Variants in NEK1 observed in about 807,000 individuals in gnomAD.
NEK1 encodes the protein serine/threonine-protein kinase Nek1.
Under a neutral mutation model 182.1 loss-of-function variants are expected in NEK1, and 137 were observed. The ratio of observed to expected loss-of-function variants is 0.75; its 90% CI spans 0.65 to 0.87. NEK1 has a LOEUF of 0.87. Among genes scored for constraint, NEK1 ranks in the 40% least tolerant of loss-of-function variants. The pLI, the probability that NEK1 is intolerant of heterozygous loss-of-function variation, is 0.00. For synonymous variants in NEK1, 513 were observed against 492.2 expected, an observed-to-expected ratio of 1.04 and a Z score of -0.56; for missense variants, 1,391 against 1,494.4, an observed-to-expected ratio of 0.93 and a Z score of 1.14.
rs199827465 is a variant in NEK1, at chr4:169,479,405, C to T, written c.2137G>A (p.Val713Met). The T allele has an allele frequency of 6.7e-4, 1,082 of 1,607,920 alleles. 10 individuals are homozygous for T. In the Middle Eastern group the frequency reaches 0.015, roughly 22 times the overall value. The change falls in exon 24 of 36, where the codon GTG (valine) becomes ATG (methionine). Residue 713 changes from valine to methionine, a missense_variant and splice_region_variant. Transcript: ENST00000507142. ...SVTSALKEVG[V>M]DSSLTDTRET... is the part of the protein sequence containing the mutation. ...GTTCTGAATCTTAGGAAACTTACCA[C>T]GCCAACTTCTTTCAAAGCTGAAGTT... is the stretch of plus-strand genomic sequence containing the variant.
intron 18 of NEK1, among the ~76,000 whole-genome samples, chr4:169,539,549 A>G (rs899305822): frequency 1.2e-4 from 18 of 152,132 alleles, no homozygotes; most frequent in African/African-American, 4.1e-4. Context: ...ATAAATCTTC[A>G]GGAGTAATGC....
At chr4:169,455,554 A>G (rs12647126) in intron 27 of NEK1, among the ~76,000 whole-genome samples, 71,720 of 152,060 alleles carry the variant, frequency 0.47, 19,059 homozygotes, top group East Asian at 0.76. Flanking sequence ...TGGTCAATTC[A>G]GCAAGAGGAT....
intron 10 of NEK1, among the ~76,000 whole-genome samples, 161 bp downstream of exon 10, chr4:169,585,188 G>A (rs188159515): frequency 2.0e-5 from 3 of 152,160 alleles, no homozygotes; most frequent in Admixed American, 2.0e-4. Context: ...TACTCTGTCT[G>A]AAGAAAAAGA....
intron 12 of NEK1, among the ~76,000 whole-genome samples, chr4:169,574,018 G>A (rs1229781147): frequency 6.6e-6 from 1 of 152,020 alleles, no homozygotes; most frequent in African/African-American, 2.4e-5. Context: ...AAATTAGCTG[G>A]GTGTAGTGGC....
At chr4:169,491,188 G>A (rs561589398) in intron 23 of NEK1, among the ~76,000 whole-genome samples, 1 of 146,320 alleles carries the variant, frequency 6.8e-6, no homozygotes, top group Non-Finnish European at 1.5e-5. Flanking sequence ...GGCACAGAAG[G>A]CTTTTTAAGT....
chr4:169,482,159 G>A (rs1748157665), intron 23 of NEK1, among the ~76,000 whole-genome samples: 1 of 152,228 alleles, frequency 6.6e-6, no homozygotes, highest in Non-Finnish European at 1.5e-5. Flanking sequence ...AGTCTTCACG[G>A]AATTGAGGAG....
At position 169,507,762 on chromosome 4, in the gene NEK1, C is replaced by T. The variant is rs988723393; in HGVS notation, c.1864G>A (p.Gly622Arg). The T allele has an allele frequency of 1.9e-6, 3 of 1,612,878 alleles. No individual in the cohort carries two copies. In the African/African-American group the frequency reaches 4.0e-5, roughly 22 times the overall value. The change falls in exon 22 of 36, where the codon GGA (glycine) becomes AGA (arginine). Residue 622 changes from glycine (G) to arginine (R), a missense_variant. By Grantham distance (125) the Gly-to-Arg change is moderately radical. Around this residue, in one of 5 missense-constraint regions of NEK1, gnomAD observed 1,216 missense variants for 1,277.6 expected, o/e 0.95. Coordinates refer to ENST00000507142, the MANE Select transcript of NEK1 (RefSeq NM_001199397.3). ...KEANHSEGQE[G>R]SEEADMRRKK... is the part of the protein sequence containing the mutation. ...CGCCTCATGTCAGCCTCTTCACTTC[C>T]TTCTTGTCCTTCAGAATGATTAGCT... is the stretch of plus-strand genomic sequence containing the variant.
At chr4:169,562,728 ATAT>A (rs760350792) in intron 12 of NEK1, among the ~76,000 whole-genome samples, 52 of 152,160 alleles carry the variant, frequency 3.4e-4, no homozygotes, top group Non-Finnish European at 1.8e-4. Context: ...CATACATGTA[ATAT>A]TAATGTGTTA....
intron 27 of NEK1, among the ~76,000 whole-genome samples, chr4:169,441,893 A>G (rs1739528909): frequency 6.6e-6 from 1 of 150,898 alleles, no homozygotes; most frequent in Non-Finnish European, 1.5e-5. Flanking sequence ...TATTGTCCAG[A>G]GGTCTGGAGA....
At chr4:169,429,710 C>T (rs1330744899) in intron 29 of NEK1, among the ~76,000 whole-genome samples, 11 of 152,162 alleles carry the variant, frequency 7.2e-5, no homozygotes. Context: ...CAAACACTTA[C>T]CATCTGTCAT....
chr4:169,528,137 T>C (rs1253488822), intron 19 of NEK1, among the ~76,000 whole-genome samples: 1 of 152,206 alleles, frequency 6.6e-6, no homozygotes, highest in Admixed American at 6.5e-5. Flanking sequence ...TATAATATTG[T>C]AAAATCCCCT....
At chr4:169,600,076 A>G (rs1770224509) in intron 4 of NEK1, among the ~76,000 whole-genome samples, 1 of 152,210 alleles carries the variant, frequency 6.6e-6, no homozygotes, top group African/African-American at 2.4e-5. Context: ...TAAGTAAGGA[A>G]GAGTGGCCAA....
At chr4:169,502,647 T>C (rs1380556300) in intron 23 of NEK1, among the ~76,000 whole-genome samples, 1 of 152,020 alleles carries the variant, frequency 6.6e-6, no homozygotes, top group Admixed American at 6.5e-5. Flanking sequence ...CACCTCAATA[T>C]ACACATAAAA....
intron 26 of NEK1, among the ~76,000 whole-genome samples, chr4:169,475,647 C>A (rs2149543068): frequency 6.6e-6 from 1 of 152,032 alleles, no homozygotes; most frequent in African/African-American, 2.4e-5. Flanking sequence ...AAAATGGACC[C>A]AATAAAATTC....
intron 4 of NEK1, among the ~76,000 whole-genome samples, chr4:169,601,306 GT>G (rs1770455303): frequency 6.6e-6 from 1 of 152,038 alleles, no homozygotes; most frequent in Non-Finnish European, 1.5e-5. Context: ...AGATTACCTG[GT>G]TTTTAGTTTA....
intron 26 of NEK1, among the ~76,000 whole-genome samples, chr4:169,465,317 G>A (rs1021513329): frequency 1.3e-5 from 2 of 152,016 alleles, no homozygotes; most frequent in African/African-American, 4.8e-5. Context: ...AAACCCTCCT[G>A]TCCCCCCCAC....
chr4:169,522,914 C>T (rs1756322442), intron 19 of NEK1, among the ~76,000 whole-genome samples: 1 of 152,162 alleles, frequency 6.6e-6, no homozygotes, highest in Non-Finnish European at 1.5e-5. Flanking sequence ...TTGCAGGCCT[C>T]TCTAATACCC....
intron 27 of NEK1, among the ~76,000 whole-genome samples, chr4:169,459,316 G>A (rs28889303): frequency 1.6e-3 from 236 of 152,230 alleles, no homozygotes; most frequent in African/African-American, 4.7e-3. Context: ...TTAGGAGATT[G>A]CAAATAAAAA....
chr4:169,533,776 C>T (rs1758030934), intron 19 of NEK1, among the ~76,000 whole-genome samples: 2 of 152,146 alleles, frequency 1.3e-5, no homozygotes, highest in South Asian at 2.1e-4. Context: ...TGCAGAGGTT[C>T]TAATATATCA....
Sources: allele counts gnomAD v4.1 joint callset (sites outside exome capture counted in the v4.1 genomes callset), GRCh38; gene constraint gnomAD v4.1.1; regional missense constraint gnomAD v4.1.1; transcripts MANE v1.5; gene names NCBI Gene and HGNC (gene_info 2026-07-23, HGNC 2026-07-21).